The following CHL1 variants were observed in gnomAD, a reference collection of about 807,000 sequenced individuals.
CHL1 encodes the protein neural cell adhesion molecule L1-like protein.
Under a neutral mutation model 141.9 loss-of-function variants are expected in CHL1, and 96 were observed. The ratio of observed to expected loss-of-function variants is 0.68; its 90% CI spans 0.57 to 0.80. The LOEUF is 0.80. Ranked by LOEUF, CHL1 falls within the 30% of genes least tolerant of loss-of-function variation. The pLI is 0.00. For synonymous variants in CHL1, 613 were observed against 502.2 expected, an observed-to-expected ratio of 1.22 and a Z score of -2.95; for missense variants, 1,820 against 1,457.2, an observed-to-expected ratio of 1.25 and a Z score of -4.05.
chr3:286,385 T>G (rs902112854), intron 2 of CHL1, among the ~76,000 whole-genome samples: 1 of 151,602 alleles, frequency 6.6e-6, no homozygotes, highest in Admixed American at 6.6e-5. Flanking sequence ...CCGAAGTGAG[T>G]GGATCACCTG....
intron 15 of CHL1, among the ~76,000 whole-genome samples, chr3:366,328 G>T (rs767664903): frequency 1.1e-4 from 17 of 151,812 alleles, no homozygotes; most frequent in African/African-American, 4.1e-4. Flanking sequence ...AAAATTAGCC[G>T]GGCATGATGG....
At chr3:397,926 A>C (rs573932780) in intron 24 of CHL1, among the ~76,000 whole-genome samples, 15 of 152,320 alleles carry the variant, frequency 9.8e-5, no homozygotes, top group African/African-American at 3.6e-4. Context: ...TCCAAATTGC[A>C]CAAAATTATA....
chr3:409,191 T>C lies in CHL1; in HGVS notation c.*3480T>C, dbSNP rs184936626. The C allele has an allele frequency of 6.6e-6, 1 of 152,220 alleles. No individual in the cohort carries two copies. The highest frequency in any genetic ancestry group is 6.5e-5 in the Admixed American group (1 of 15,270). 9.4% of individuals were successfully genotyped at this position (152,220 alleles called of 1,614,324 possible). On this transcript the variant is annotated 3_prime_UTR_variant, in exon 28 of 28. Coordinates refer to ENST00000256509, the MANE Select transcript of CHL1 (RefSeq NM_006614.4). Reference sequence around the variant, plus strand: ...AGCTTTCTTTGTTTTGTACCTTAAATTGTTCGATTACGTCATCAAAAGAGA... The same window carrying C: ...AGCTTTCTTTGTTTTGTACCTTAAACTGTTCGATTACGTCATCAAAAGAGA...
intron 15 of CHL1, among the ~76,000 whole-genome samples, chr3:370,091 T>G (rs1468382599): frequency 6.6e-6 from 1 of 152,238 alleles, no homozygotes; most frequent in African/African-American, 2.4e-5. Context: ...GGTTTTGGTA[T>G]CAGGATGATG....
chr3:242,056 C>A (rs1359575411), intron 1 of CHL1, among the ~76,000 whole-genome samples: 2 of 151,904 alleles, frequency 1.3e-5, no homozygotes, highest in African/African-American at 2.4e-5. Flanking sequence ...TGAGTCTATC[C>A]CTCCACTATA....
At chr3:260,103 A>G (rs947181576) in intron 2 of CHL1, among the ~76,000 whole-genome samples, 8 of 152,178 alleles carry the variant, frequency 5.3e-5, no homozygotes, top group African/African-American at 1.9e-4. Context: ...TGTCTCTACT[A>G]AAAATACAAA....
intron 13 of CHL1, among the ~76,000 whole-genome samples, 198 bp downstream of exon 13, chr3:362,008 C>A (rs901610683): frequency 6.6e-6 from 1 of 152,134 alleles, no homozygotes; most frequent in African/African-American, 2.4e-5. Context: ...AGGATTTTCT[C>A]ACATAGAGAC....
intron 24 of CHL1, among the ~76,000 whole-genome samples, chr3:395,696 G>C (rs1392482811): frequency 6.6e-6 from 1 of 152,082 alleles, no homozygotes; most frequent in Non-Finnish European, 1.5e-5. Context: ...CATGTATTAA[G>C]TGTGGTGCAA....
chr3:399,031 T>G lies in CHL1; in HGVS notation c.3268T>G (p.Tyr1090Asp). 1 of 1,613,524 alleles carries G rather than the reference T, an allele frequency of 6.2e-7. No homozygotes were observed. The change falls in exon 26 of 28, where the codon TAT (tyrosine) becomes GAT (aspartate). Residue 1090 changes from tyrosine (Y) to aspartate (D), a missense_variant. Transcript: ENST00000256509. ...ETRGREYAGL[Y>D]DDISTQGWFI... is the part of the protein sequence containing the mutation. The stretch of plus-strand genomic sequence containing the variant: ...TTCTACCACAGAATATGCTGGTTTA[T>G]ATGATGACATCTCCACTCAAGGCTG...
intron 1 of CHL1, among the ~76,000 whole-genome samples, chr3:218,007 C>T (rs1193468880): frequency 1.3e-5 from 2 of 152,078 alleles, no homozygotes; most frequent in African/African-American, 4.8e-5. Context: ...TATTGTACTT[C>T]TATTAAGATG....
At chr3:312,659 A>G (rs1699846701) in intron 2 of CHL1, among the ~76,000 whole-genome samples, 1 of 152,200 alleles carries the variant, frequency 6.6e-6, no homozygotes, top group African/African-American at 2.4e-5. Flanking sequence ...AAGGAGTTTC[A>G]TAAAGGGACA....
chr3:329,754 G>T (rs1701294796), intron 5 of CHL1, among the ~76,000 whole-genome samples: 1 of 151,880 alleles, frequency 6.6e-6, no homozygotes, highest in Non-Finnish European at 1.5e-5. Context: ...AAATGAAAAA[G>T]ACAGAAAAGA....
intron 24 of CHL1, 98 bp from the exon 25 acceptor site, chr3:398,129 A>C: frequency 1.5e-6 from 1 of 669,648 alleles, no homozygotes; most frequent in Non-Finnish European, 2.3e-6. Context: ...AAAATATGGT[A>C]TAAGTGACTT....
At chr3:201,175 C>A (rs1698897036) in intron 1 of CHL1, among the ~76,000 whole-genome samples, 1 of 152,204 alleles carries the variant, frequency 6.6e-6, no homozygotes, top group Admixed American at 6.5e-5. Context: ...TAGAGTAGAG[C>A]TGTGGTTGCT....
rs755925627 is a variant in CHL1 at position 382,669 on chromosome 3, C to A, written c.2174C>A (p.Ala725Glu). ...TCAGACCATCATGAAACACCACCAG[C>A]AGGTATGCAGGTTCTCACATCAGGT... ...QPSDHHETPP[A>E]APDRNPQNIR... The change falls in exon 18 of 28, where the codon GCA becomes GAA. Residue 725 changes from alanine to glutamate, a missense_variant and splice_region_variant. Ala to Glu is a moderately radical substitution (Grantham distance 107, BLOSUM62 -1). Transcript: ENST00000256509. 22 of 1,612,642 alleles carry A rather than the reference C, an allele frequency of 1.4e-5. No homozygotes were observed. The South Asian group carries it at 2.4e-4, about 18-fold the overall frequency.
At chr3:296,375 G>A (rs1427931764) in intron 2 of CHL1, among the ~76,000 whole-genome samples, 1 of 152,148 alleles carries the variant, frequency 6.6e-6, no homozygotes, top group Non-Finnish European at 1.5e-5. Context: ...AAATACAGGT[G>A]GGACTGGCCT....
intron 3 of CHL1, among the ~76,000 whole-genome samples, chr3:321,969 G>C (rs2125046981): frequency 6.6e-6 from 1 of 152,118 alleles, no homozygotes; most frequent in African/African-American, 2.4e-5. Context: ...TTATTGCTGA[G>C]CCTTTACAAC....
intron 19 of CHL1, among the ~76,000 whole-genome samples, chr3:384,872 G>T (rs1163358301): frequency 6.6e-6 from 1 of 151,958 alleles, no homozygotes. Context: ...CTCATATGTT[G>T]GTCTTTGTAC....
intron 2 of CHL1, among the ~76,000 whole-genome samples, chr3:306,880 G>C (rs1018926071): frequency 6.6e-6 from 1 of 152,212 alleles, no homozygotes; most frequent in South Asian, 2.1e-4. Context: ...GACCATCCCT[G>C]TCACTACAAG....
Sources: allele counts gnomAD v4.1 joint callset (sites outside exome capture counted in the v4.1 genomes callset), GRCh38; gene constraint gnomAD v4.1.1; transcripts MANE v1.5; gene names NCBI Gene and HGNC (gene_info 2026-07-23, HGNC 2026-07-21).